MAMDC2: variants seen among roughly 807,000 people sequenced by gnomAD.
MAMDC2 encodes the protein MAM domain containing 2.
In MAMDC2, 57 loss-of-function variants were observed where a neutral mutation model predicts 89.8. The observed-to-expected ratio is 0.63, with a 90% CI of 0.51 to 0.79. The LOEUF (loss-of-function observed/expected upper bound fraction) is 0.79, where lower values mean the gene tolerates loss of function less well. Among genes scored for constraint, MAMDC2 ranks in the 30% least tolerant of loss-of-function variants. MAMDC2 has a pLI of 0.00. For missense variants in MAMDC2, 800 were observed against 820.6 expected, an observed-to-expected ratio of 0.97 and a Z score of 0.31; for synonymous variants, 313 against 293.4, an observed-to-expected ratio of 1.07 and a Z score of -0.68.
intron 9 of MAMDC2, among the ~76,000 whole-genome samples, chr9:70,159,657 C>A (rs1456632034): frequency 1.3e-5 from 2 of 152,208 alleles, no homozygotes; most frequent in African/African-American, 4.8e-5. Context: ...TTGTGGATTG[C>A]ATTCTATAAA....
At chr9:70,160,663 G>A (rs535101754) in intron 9 of MAMDC2, among the ~76,000 whole-genome samples, 5 of 152,298 alleles carry the variant, frequency 3.3e-5, no homozygotes, top group African/African-American at 1.2e-4. Flanking sequence ...TTTCAGCGCA[G>A]AGCAGGGCAG....
chr9:70,207,668 G>T (rs902950814), intron 11 of MAMDC2, among the ~76,000 whole-genome samples: 5 of 152,118 alleles, frequency 3.3e-5, no homozygotes, highest in African/African-American at 4.8e-5. Flanking sequence ...GGCTTTTGTT[G>T]TCATTGCTTT....
intron 2 of MAMDC2, 114 bp downstream of exon 2, chr9:70,044,811 T>A: frequency 2.4e-6 from 2 of 817,046 alleles, no homozygotes; most frequent in Non-Finnish European, 2.0e-6. Context: ...GCAAGAAAAG[T>A]GTGAGTCATG....
chr9:70,196,759 A>G (rs1393595157), intron 11 of MAMDC2, among the ~76,000 whole-genome samples: 1 of 152,110 alleles, frequency 6.6e-6, no homozygotes, highest in Non-Finnish European at 1.5e-5. Flanking sequence ...TAAAACATGG[A>G]ACGACAGATG....
At chr9:70,100,147 C>T (rs575598898) in intron 2 of MAMDC2, among the ~76,000 whole-genome samples, 32 of 152,104 alleles carry the variant, frequency 2.1e-4, no homozygotes, top group Non-Finnish European at 3.7e-4. Flanking sequence ...CATAGGAGCA[C>T]TAACATTTAT....
At chr9:70,181,709 T>G (rs7874682) in intron 11 of MAMDC2, among the ~76,000 whole-genome samples, 137,398 of 152,104 alleles carry the variant, frequency 0.9, 62,353 homozygotes, top group East Asian at 0.98. Context: ...TGATTTTGTA[T>G]CCAGAGACTT....
chr9:70,047,186 G>A (rs1450098829), intron 2 of MAMDC2, among the ~76,000 whole-genome samples: 5 of 147,472 alleles, frequency 3.4e-5, no homozygotes, highest in Admixed American at 6.8e-5. Flanking sequence ...TTGCCCACAT[G>A]CACTTCTTTT....
At chr9:70,130,794 CAAAACAAA>C (rs1300197669) in intron 6 of MAMDC2, among the ~76,000 whole-genome samples, 1 of 151,658 alleles carries the variant, frequency 6.6e-6, no homozygotes, top group Non-Finnish European at 1.5e-5. Flanking sequence ...CAAAACAAAA[CAAAACAAA>C]AAAACAAAAA....
At chr9:70,138,836 G>A (rs1030021534) in intron 7 of MAMDC2, among the ~76,000 whole-genome samples, 2 of 152,046 alleles carry the variant, frequency 1.3e-5, no homozygotes, top group African/African-American at 4.8e-5. Flanking sequence ...TCTTTGACCT[G>A]CACAATTTAA....
chr9:70,092,876 G>A (rs548630555), intron 2 of MAMDC2: 2 of 152,026 alleles, frequency 1.3e-5, no homozygotes, highest in African/African-American at 4.8e-5. Flanking sequence ...TCCCACCATC[G>A]TAAGTCATAT....
chr9:70,216,821 C>A (rs1037876865), intron 11 of MAMDC2, among the ~76,000 whole-genome samples: 1 of 152,184 alleles, frequency 6.6e-6, no homozygotes, highest in Non-Finnish European at 1.5e-5. Context: ...CATTACTATT[C>A]ATATATAGTT....
At position 70,078,261 on chromosome 9, in the gene MAMDC2, A is replaced by G. The variant is rs894097464; in HGVS notation, c.149-29950A>G. Among the ~76,000 whole-genome samples, 4 of 152,180 alleles carry G rather than the reference A, an allele frequency of 2.6e-5. No homozygotes were observed. The East Asian group carries it at 7.7e-4, about 29-fold the overall frequency. ...TAAATCAATCTGATAACTCCCTCTTACCCCGTTTCTCTCCTTCAGAATGTT... is the reference window on the plus strand; with the variant it reads ...TAAATCAATCTGATAACTCCCTCTTGCCCCGTTTCTCTCCTTCAGAATGTT... On this transcript the variant is annotated intron_variant, in intron 2 of 13. Coordinates refer to ENST00000377182, the MANE Select transcript of MAMDC2 (RefSeq NM_153267.5).
At chr9:70,176,859 T>G (rs2032518103) in intron 11 of MAMDC2, among the ~76,000 whole-genome samples, 1 of 152,188 alleles carries the variant, frequency 6.6e-6, no homozygotes, top group Non-Finnish European at 1.5e-5. Context: ...TATCAGTGAT[T>G]ATTTACAGTA....
chr9:70,082,994 A>G (rs905646267), intron 2 of MAMDC2: 1 of 152,208 alleles, frequency 6.6e-6, no homozygotes, highest in Non-Finnish European at 1.5e-5. Context: ...TACAATGGAA[A>G]TATTCTAGAA....
intron 11 of MAMDC2, among the ~76,000 whole-genome samples, chr9:70,198,484 T>A (rs2033023166): frequency 6.6e-6 from 1 of 152,102 alleles, no homozygotes; most frequent in Admixed American, 6.6e-5. Flanking sequence ...TGCAGCCAAA[T>A]GATACTAGAA....
chr9:70,058,998 AT>A lies in MAMDC2; in HGVS notation c.148+14303del, dbSNP rs139158762. Reference sequence around the variant, plus strand: ...CAGAGGATCCCCACGACTGACCTACATTCTCTGGACAAATTCCAGTAGAACT... The same window carrying A: ...CAGAGGATCCCCACGACTGACCTACATCTCTGGACAAATTCCAGTAGAACT... On this transcript the variant is annotated intron_variant, in intron 2 of 13. Transcript: ENST00000377182. Among the ~76,000 whole-genome samples the A allele has an allele frequency of 3.6e-4, 55 of 152,324 alleles. 1 individual carries two copies. The East Asian group carries it at 0.01, about 28-fold the overall frequency.
intron 5 of MAMDC2, among the ~76,000 whole-genome samples, chr9:70,119,655 A>T (rs1010850777): frequency 2.0e-5 from 3 of 152,180 alleles, no homozygotes; most frequent in Admixed American, 6.5e-5. Flanking sequence ...GCAATGTCTC[A>T]TCTAGTTCAG....
intron 2 of MAMDC2, among the ~76,000 whole-genome samples, chr9:70,058,878 G>A (rs893671803): frequency 6.6e-5 from 10 of 152,146 alleles, no homozygotes; most frequent in African/African-American, 2.4e-4. Context: ...ATTTTCTTTA[G>A]AAATGGCACA....
chr9:70,104,968 T>C (rs1828296635), intron 2 of MAMDC2, among the ~76,000 whole-genome samples: 2 of 151,796 alleles, frequency 1.3e-5, no homozygotes, highest in African/African-American at 2.4e-5. Flanking sequence ...CTTCCAAATA[T>C]CAATTTGATT....
Sources: gnomAD v4.1 joint callset for allele counts (sites outside exome capture counted in the v4.1 genomes callset) on GRCh38, gnomAD v4.1.1 for gene constraint, MANE v1.5 for transcripts, NCBI Gene and HGNC (gene_info 2026-07-23, HGNC 2026-07-21) for gene names.